ANKFN1: variants seen among roughly 807,000 people sequenced by gnomAD.
ANKFN1 encodes ankyrin repeat and fibronectin type III domain containing 1.
A neutral mutation model predicts 108.7 loss-of-function variants in ANKFN1; 74 were observed. The observed-to-expected ratio is 0.68, with a 90% CI of 0.56 to 0.83. ANKFN1 has a LOEUF of 0.83. Ranked by LOEUF, ANKFN1 falls within the 40% of genes least tolerant of loss-of-function variation. The probability of loss-of-function intolerance (pLI) is 0.00; values close to 1 mark genes in which losing one functional copy is unlikely to be tolerated. For missense variants in ANKFN1, 1,505 were observed against 1,382.3 expected (o/e 1.09, Z -1.41); for synonymous variants, 547 against 516.2 (o/e 1.06, Z -0.81).
intron 4 of ANKFN1, among the ~76,000 whole-genome samples, chr17:56,132,009 A>C (rs534031811): frequency 6.6e-6 from 1 of 152,228 alleles, no homozygotes; most frequent in Non-Finnish European, 1.5e-5. Flanking sequence ...ACTTGTAATC[A>C]TGAATTCCTT....
chr17:56,203,358 C>T (rs1323362757), intron 1 of ANKFN1, among the ~76,000 whole-genome samples: 1 of 152,186 alleles, frequency 6.6e-6, no homozygotes, highest in East Asian at 1.9e-4. Flanking sequence ...CCGTCCATCT[C>T]CTGTGCCCAT....
chr17:56,463,087 A>G (rs1189334159), intron 14 of ANKFN1, among the ~76,000 whole-genome samples: 1 of 152,194 alleles, frequency 6.6e-6, no homozygotes, highest in Non-Finnish European at 1.5e-5. Context: ...AGCTCCTTTA[A>G]TATATAATAG....
At chr17:56,416,704 G>C (rs1194874076) in intron 8 of ANKFN1, among the ~76,000 whole-genome samples, 2 of 152,190 alleles carry the variant, frequency 1.3e-5, no homozygotes, top group Admixed American at 1.3e-4. Context: ...CCCGCTGCTA[G>C]ATATATACAC....
At chr17:56,198,597 C>T (rs754233316) in intron 1 of ANKFN1, among the ~76,000 whole-genome samples, 3 of 152,158 alleles carry the variant, frequency 2.0e-5, no homozygotes, top group Non-Finnish European at 4.4e-5. Context: ...TTATTTTCTT[C>T]TTTTTGGTTT....
chr17:56,449,183 CG>C lies in ANKFN1; in HGVS notation c.1207+1del, dbSNP rs1218466154. 1 of 1,611,910 alleles carries C rather than the reference CG, an allele frequency of 6.2e-7. No individual in the cohort carries two copies. Among genetic ancestry groups the C allele is most frequent in the Non-Finnish European group, 8.5e-7 (1 of 1,178,788 alleles). ...AGCCCTTCATCAGCATTACAGTTGC[CG>C]GGGTAAGGATAAAAATCTGTGCTGG... ...VRALHQHYSC[R>X]ESTKLQTTGR... On this transcript the variant is annotated frameshift_variant and splice_region_variant, in exon 11 of 21. Transcript: ENST00000682825. LOFTEE classifies it high-confidence loss of function.
intron 4 of ANKFN1, among the ~76,000 whole-genome samples, chr17:56,343,447 G>A (rs917860813): frequency 2.6e-5 from 4 of 151,714 alleles, no homozygotes; most frequent in Non-Finnish European, 5.9e-5. Flanking sequence ...GTGATTTTTG[G>A]TGAAAATTAG....
chr17:56,335,996 T>G lies in ANKFN1; in HGVS notation c.188+9641T>G, dbSNP rs1007946764. Among the ~76,000 whole-genome samples, 3 of 152,250 alleles carry G rather than the reference T, an allele frequency of 2.0e-5. 1 individual carries two copies. Among genetic ancestry groups the G allele is most frequent in the Admixed American group, 1.3e-4 (2 of 15,278 alleles). On this transcript the variant is annotated intron_variant, in intron 4 of 20. Coordinates refer to ENST00000682825, the MANE Select transcript of ANKFN1 (RefSeq NM_001370326.1). Reference sequence around the variant, plus strand: ...ATCATGTGGTTTTTGTCGTTGGTTCTGTTTATGTAATGGATTACGTTTATT... The same window carrying G: ...ATCATGTGGTTTTTGTCGTTGGTTCGGTTTATGTAATGGATTACGTTTATT...
intron 8 of ANKFN1, among the ~76,000 whole-genome samples, chr17:56,433,714 A>C (rs372594864): frequency 9.2e-5 from 14 of 152,300 alleles, no homozygotes; most frequent in African/African-American, 3.4e-4. Flanking sequence ...AAAAGACCAC[A>C]AATAGGGTGC....
At chr17:56,132,000 C>G (rs571640131) in intron 4 of ANKFN1, among the ~76,000 whole-genome samples, 2 of 152,180 alleles carry the variant, frequency 1.3e-5, no homozygotes, top group African/African-American at 4.8e-5. Context: ...CAAATTAAAA[C>G]TTGTAATCAT....
chr17:56,460,714 A>G (rs1216723467), intron 14 of ANKFN1, among the ~76,000 whole-genome samples: 1 of 151,166 alleles, frequency 6.6e-6, no homozygotes, highest in Admixed American at 6.6e-5. Context: ...TCATTCCTCC[A>G]CATGTGCTCT....
intron 4 of ANKFN1, among the ~76,000 whole-genome samples, chr17:56,097,722 T>C (rs1905560306): frequency 1.3e-5 from 2 of 152,172 alleles, no homozygotes; most frequent in Non-Finnish European, 2.9e-5. Flanking sequence ...ACAGCTACAC[T>C]CTGTCAGCCT....
At chr17:56,361,831 C>G (rs1157007884) in intron 6 of ANKFN1, among the ~76,000 whole-genome samples, 1 of 152,044 alleles carries the variant, frequency 6.6e-6, no homozygotes, top group African/African-American at 2.4e-5. Context: ...ATGGGTCTCT[C>G]CATATGGCTA....
At chr17:56,148,957 C>G (rs1908432027), upstream of ANKFN1, among the ~76,000 whole-genome samples, 1 of 152,110 alleles carries the variant, frequency 6.6e-6, no homozygotes, top group South Asian at 2.1e-4. Context: ...TATTATTTAT[C>G]CCAATATTCA....
rs767735976 is a variant in ANKFN1, at chr17:56,466,446, G to A, written c.1648G>A (p.Val550Met). Residue 550 changes from valine to methionine, a missense_variant, in exon 15 of 21, where the codon GTG (valine) becomes ATG (methionine). Transcript: ENST00000682825. ...CATACTCATAGTCACCATCAGGGAGGTGGAGATGCTTTATTCATTTTTTAA... is the reference window on the plus strand; with the variant it reads ...CATACTCATAGTCACCATCAGGGAGATGGAGATGCTTTATTCATTTTTTAA... Reference protein sequence around the residue: ...GNILIVTIREVEMLYSFFNGK... With the variant: ...GNILIVTIREMEMLYSFFNGK... The A allele has an allele frequency of 3.1e-6, 5 of 1,614,034 alleles. No homozygotes were observed. Among genetic ancestry groups the A allele is most frequent in the African/African-American group, 2.7e-5 (2 of 74,932 alleles).
intron 1 of ANKFN1, among the ~76,000 whole-genome samples, chr17:56,177,201 T>C (rs545807294): frequency 6.7e-4 from 102 of 152,340 alleles, no homozygotes; most frequent in African/African-American, 2.4e-3. Flanking sequence ...GGTTTGGTTT[T>C]CCCAAGGGGG....
intron 14 of ANKFN1, chr17:56,463,961 T>A (rs547239627): frequency 3.3e-5 from 5 of 152,224 alleles, no homozygotes. Flanking sequence ...ATAACCTAGA[T>A]GCATTCCTGT....
intron 8 of ANKFN1, among the ~76,000 whole-genome samples, chr17:56,420,398 G>A (rs974967891): frequency 6.6e-6 from 1 of 152,154 alleles, no homozygotes; most frequent in Non-Finnish European, 1.5e-5. Flanking sequence ...TACTAAAGTT[G>A]GAGTGGCAAA....
chr17:56,153,601 G>A, intron 1 of ANKFN1, 71 bp downstream of exon 1: 1 of 1,581,662 alleles, frequency 6.3e-7, no homozygotes, highest in Non-Finnish European at 8.7e-7. Flanking sequence ...CAACAGGCAG[G>A]AAAATGTGAG....
intron 4 of ANKFN1, among the ~76,000 whole-genome samples, chr17:56,121,691 C>T (rs1015357845): frequency 3.3e-5 from 5 of 151,880 alleles, no homozygotes; most frequent in African/African-American, 4.8e-5. Context: ...CAGTTGTCTC[C>T]GCATAGTTAT....
Sources: allele counts gnomAD v4.1 joint callset (sites outside exome capture counted in the v4.1 genomes callset), GRCh38; gene constraint gnomAD v4.1.1; transcripts MANE v1.5; gene names NCBI Gene and HGNC (gene_info 2026-07-23, HGNC 2026-07-21).